The following CCSER1 variants were observed in gnomAD, a reference collection of about 807,000 sequenced individuals.
CCSER1 encodes the protein serine-rich coiled-coil domain-containing protein 1.
Under a neutral mutation model 82.0 loss-of-function variants are expected in CCSER1, and 41 were observed. The ratio of observed to expected loss-of-function variants is 0.50; its 90% CI spans 0.39 to 0.65. The LOEUF (loss-of-function observed/expected upper bound fraction) is 0.65. CCSER1 is among the 30% of genes least tolerant of loss of function. The probability of loss-of-function intolerance (pLI) is 0.00; values close to 1 mark genes in which losing one functional copy is unlikely to be tolerated. For missense variants in CCSER1, 1,119 were observed against 1,064.2 expected (o/e 1.05, Z -0.72); for synonymous variants, 414 against 383.9 (o/e 1.08, Z -0.92).
chr4:90,607,787 A>T (rs529731592), intron 5 of CCSER1, among the ~76,000 whole-genome samples: 69 of 152,300 alleles, frequency 4.5e-4, no homozygotes, highest in African/African-American at 1.6e-3. Flanking sequence ...ACCCATACAG[A>T]GGGTAATGGA....
In CCSER1 at chr4:90,141,060, C is replaced by CTATCTATCTATCT. The variant is rs1724704141; in HGVS notation, c.-42+13232_-42+13233insCTATCTATCTTAT. 9.9e-5 allele frequency among the ~76,000 whole-genome samples: 15 copies of CTATCTATCTATCT among 151,828 alleles called. No homozygotes were observed. The South Asian group carries it at 3.1e-3, about 32-fold the overall frequency. On this transcript the variant is annotated intron_variant, in intron 1 of 10. Transcript: ENST00000509176. Reference sequence around the variant, plus strand: ...TCTATCTATCTATCTATCTATCTATCTATTGTCTGTCTACCTATTGAAAGA... The same window carrying CTATCTATCTATCT: ...TCTATCTATCTATCTATCTATCTATCTATCTATCTATCTTATTGTCTGTCTACCTATTGAAAGA...
chr4:90,783,149 C>T (rs1055575078), intron 7 of CCSER1, among the ~76,000 whole-genome samples: 1 of 152,064 alleles, frequency 6.6e-6, no homozygotes, highest in African/African-American at 2.4e-5. Flanking sequence ...ACCATATTGG[C>T]CAGGCTGGGG....
chr4:90,990,824 GAAC>G (rs1736965614), intron 9 of CCSER1, among the ~76,000 whole-genome samples: 2 of 152,016 alleles, frequency 1.3e-5, no homozygotes, highest in Admixed American at 1.3e-4. Flanking sequence ...GCATTTATGG[GAAC>G]AACAAGAATA....
intron 9 of CCSER1, among the ~76,000 whole-genome samples, chr4:90,995,744 C>G (rs1007653032): frequency 2.6e-5 from 4 of 151,876 alleles, no homozygotes; most frequent in African/African-American, 9.7e-5. Context: ...ATTTAAAGAT[C>G]CAAATTAAAA....
At chr4:90,347,176 G>T (rs368273990) in intron 3 of CCSER1, among the ~76,000 whole-genome samples, 3 of 152,080 alleles carry the variant, frequency 2.0e-5, no homozygotes, top group African/African-American at 2.4e-5. Flanking sequence ...ATAAACAAAA[G>T]CATAAATAAT....
chr4:90,838,974 C>CT, intron 8 of CCSER1: 1 of 1,613,228 alleles, frequency 6.2e-7, no homozygotes, highest in Non-Finnish European at 8.5e-7. Context: ...TCTTGCGTCT[C>CT]TGTCTTCTTC....
chr4:91,040,428 A>G (rs576787909), intron 9 of CCSER1, among the ~76,000 whole-genome samples: 64 of 152,320 alleles, frequency 4.2e-4, no homozygotes, highest in African/African-American at 1.5e-3. Flanking sequence ...ACTCACCAGA[A>G]ACAGCTAATA....
In CCSER1 at chr4:90,351,619, A is replaced by G. The variant is rs1431731998; in HGVS notation, c.1509+38572A>G. ...TCAACAATAGTGTAAAAAAAAGTAC[A>G]TTGTGTGTATGTATTTCTAGAAGAA... On this transcript the variant is annotated intron_variant, in intron 3 of 10. Transcript: ENST00000509176. Among the ~76,000 whole-genome samples, 4 of 152,314 alleles carry G rather than the reference A, an allele frequency of 2.6e-5. No individual in the cohort carries two copies. The South Asian group carries it at 8.3e-4, about 32-fold the overall frequency.
At chr4:91,328,348 C>T (rs1021385632) in intron 10 of CCSER1, among the ~76,000 whole-genome samples, 4 of 152,184 alleles carry the variant, frequency 2.6e-5, no homozygotes, top group Non-Finnish European at 5.9e-5. Context: ...GGGAAGTAAG[C>T]ACATCCTCAC....
chr4:91,103,318 T>A (rs530851458), intron 10 of CCSER1, among the ~76,000 whole-genome samples: 1 of 152,296 alleles, frequency 6.6e-6, no homozygotes, highest in African/African-American at 2.4e-5. Context: ...TTTACCATTG[T>A]CCTTTAATCA....
At chr4:91,500,211 G>T (rs1471810348) in intron 10 of CCSER1, among the ~76,000 whole-genome samples, 1 of 151,878 alleles carries the variant, frequency 6.6e-6, no homozygotes, top group Non-Finnish European at 1.5e-5. Context: ...AATTTGCAAT[G>T]CCCTAATGAC....
chr4:90,293,484 G>A (rs1268833847), intron 1 of CCSER1, among the ~76,000 whole-genome samples: 1 of 151,148 alleles, frequency 6.6e-6, no homozygotes, highest in Non-Finnish European at 1.5e-5. Flanking sequence ...CCCAATAAGA[G>A]TTAGAATAAA....
intron 4 of CCSER1, among the ~76,000 whole-genome samples, chr4:90,436,867 C>T (rs866634742): frequency 2.7e-5 from 4 of 150,062 alleles, no homozygotes; most frequent in African/African-American, 4.9e-5. Context: ...AGTGCAGTGG[C>T]GCAATCTCAG....
intron 1 of CCSER1, among the ~76,000 whole-genome samples, chr4:90,221,522 C>T (rs1472298087): frequency 6.6e-6 from 1 of 152,080 alleles, no homozygotes; most frequent in Non-Finnish European, 1.5e-5. Context: ...GATCTGGTGT[C>T]CTCGAAACAA....
intron 10 of CCSER1, among the ~76,000 whole-genome samples, chr4:91,123,011 C>T (rs999510398): frequency 2.4e-4 from 37 of 151,622 alleles, no homozygotes; most frequent in Non-Finnish European, 4.0e-4. Flanking sequence ...GGGCAGAATA[C>T]TATTTCATTG....
chr4:91,362,720 C>T (rs964354493), intron 10 of CCSER1, among the ~76,000 whole-genome samples: 34 of 151,654 alleles, frequency 2.2e-4, no homozygotes, highest in African/African-American at 6.5e-4. Context: ...TCATCTTCCT[C>T]CTTTTTTTGT....
At chr4:90,400,170 C>A in intron 4 of CCSER1, 41 bp downstream of exon 4, 1 of 1,116,948 alleles carries the variant, frequency 9.0e-7, no homozygotes, top group South Asian at 1.4e-5. Flanking sequence ...CAACTCCTAC[C>A]CTGGTCAGTA....
chr4:90,944,162 G>A (rs564619060), intron 9 of CCSER1, among the ~76,000 whole-genome samples: 147 of 151,296 alleles, frequency 9.7e-4, no homozygotes, highest in African/African-American at 3.3e-3. Context: ...AACCCCGGAA[G>A]CGGAGGTTGC....
intron 10 of CCSER1, among the ~76,000 whole-genome samples, chr4:91,227,453 T>C (rs1171239859): frequency 1.3e-5 from 2 of 151,896 alleles, no homozygotes; most frequent in Admixed American, 1.3e-4. Context: ...TGTGTTTGTG[T>C]GTGTGTATGT....
Sources: allele counts gnomAD v4.1 joint callset (sites outside exome capture counted in the v4.1 genomes callset), GRCh38; gene constraint gnomAD v4.1.1; transcripts MANE v1.5; gene names NCBI Gene and HGNC (gene_info 2026-07-23, HGNC 2026-07-21).